FKBP5: variants seen among roughly 807,000 people sequenced by gnomAD.
FKBP5 encodes FKBP prolyl isomerase 5, also known as peptidyl-prolyl cis-trans isomerase FKBP5.
In FKBP5, 23 loss-of-function variants were observed where a neutral mutation model predicts 50.5. The ratio of observed to expected loss-of-function variants is 0.46; its 90% CI spans 0.33 to 0.65. The LOEUF (loss-of-function observed/expected upper bound fraction) is 0.65, where lower values mean the gene tolerates loss of function less well. Among genes scored for constraint, FKBP5 ranks in the 30% least tolerant of loss-of-function variants. The pLI is 0.02. For synonymous variants in FKBP5, 176 were observed against 190.6 expected (o/e 0.92, Z 0.63); for missense variants, 411 against 553.1 (o/e 0.74, Z 2.58).
intron 2 of FKBP5, among the ~76,000 whole-genome samples, chr6:35,695,397 C>T (rs1766066239): frequency 6.6e-6 from 1 of 152,190 alleles, no homozygotes; most frequent in Non-Finnish European, 1.5e-5. Context: ...AACTCCTGAC[C>T]TCAAGTGATC....
chr6:35,586,821 C>T (rs1762614291), intron 8 of FKBP5: 5 of 1,425,886 alleles, frequency 3.5e-6, no homozygotes, highest in Non-Finnish European at 2.7e-6. Flanking sequence ...CAATCTAGAG[C>T]AGAATGTGTA....
In FKBP5 at chr6:35,701,218, TG is replaced by T. The variant is rs1216145567; in HGVS notation, c.-20+19109del. 8.8e-5 allele frequency among the ~76,000 whole-genome samples: 8 copies of T among 91,122 alleles called. No individual in the cohort carries two copies. In the East Asian group the frequency reaches 1.5e-3, roughly 17 times the overall value. The allele number at this position is 91,122 out of a possible 152,430, so 59.8% of individuals were successfully genotyped here. ...AGTGCTGTGTTTTTGTTTGTTTGTT[TG>T]TTTGTTTGTTTTTGTTTTTTGTTTT... On this transcript the variant is annotated intron_variant, in intron 2 of 11. Coordinates refer to the FKBP5 transcript ENST00000536438.
chr6:35,631,533 C>CTAA (rs1764151428), intron 3 of FKBP5, among the ~76,000 whole-genome samples: 2 of 152,164 alleles, frequency 1.3e-5, no homozygotes, highest in South Asian at 2.1e-4. Context: ...ATTCATCAAA[C>CTAA]TATATACTTA....
chr6:35,667,841 T>C (rs1030409071), intron 1 of FKBP5, among the ~76,000 whole-genome samples: 4 of 152,262 alleles, frequency 2.6e-5, no homozygotes, highest in Non-Finnish European at 4.4e-5. Flanking sequence ...GGCGGGCGCC[T>C]GTAATCCCAG....
intron 5 of FKBP5, among the ~76,000 whole-genome samples, chr6:35,602,373 G>A (rs1481076053): frequency 2.0e-5 from 3 of 152,052 alleles, no homozygotes; most frequent in African/African-American, 7.2e-5. Context: ...GTGTCTGATA[G>A]CTTTGCACTC....
At chr6:35,712,300 A>G (rs1262247578) in intron 2 of FKBP5, among the ~76,000 whole-genome samples, 1 of 151,822 alleles carries the variant, frequency 6.6e-6, no homozygotes, top group Non-Finnish European at 1.5e-5. Context: ...ATTAAGGCCA[A>G]CTCCATCATC....
intron 1 of FKBP5, among the ~76,000 whole-genome samples, chr6:35,673,324 C>T (rs1435319383): frequency 1.3e-5 from 2 of 152,140 alleles, no homozygotes; most frequent in African/African-American, 4.8e-5. Context: ...CCAGGGCAGG[C>T]AGATCACTTG....
chr6:35,642,474 C>T (rs1764519542), intron 2 of FKBP5, among the ~76,000 whole-genome samples: 1 of 152,058 alleles, frequency 6.6e-6, no homozygotes, highest in Non-Finnish European at 1.5e-5. Flanking sequence ...ATCCCAGCTA[C>T]TCAGGAAGCT....
At chr6:35,590,392 G>C (rs1475982135) in intron 7 of FKBP5, among the ~76,000 whole-genome samples, 2 of 152,166 alleles carry the variant, frequency 1.3e-5, no homozygotes, top group African/African-American at 2.4e-5. Context: ...CTCCACAAAG[G>C]GTGGGGCTTT....
intron 2 of FKBP5, among the ~76,000 whole-genome samples, chr6:35,702,584 C>CT (rs1208215517): frequency 6.6e-6 from 1 of 151,928 alleles, no homozygotes; most frequent in Non-Finnish European, 1.5e-5. Flanking sequence ...TCCCGAGTAG[C>CT]TGGGACTACA....
chr6:35,661,143 C>G lies in FKBP5; in HGVS notation c.-19-18300G>C, dbSNP rs1212148240. The stretch of plus-strand genomic sequence containing the variant: ...TATACTTTATTTTATTTTTGATTTA[C>G]CTTATTTTATGTATTTATTTATTTA... On this transcript the variant is annotated intron_variant, in intron 1 of 10. Coordinates refer to ENST00000357266, the MANE Select transcript of FKBP5 (RefSeq NM_004117.4). Among the ~76,000 whole-genome samples the G allele has an allele frequency of 3.6e-5, 3 of 82,496 alleles. 1 individual carries two copies. The highest frequency in any genetic ancestry group is 8.3e-5 in the Non-Finnish European group (3 of 36,182). The allele number at this position is 82,496 out of a possible 152,430, so 54.1% of individuals were successfully genotyped here. A position where few individuals can be genotyped will look rare whatever the true frequency, so the allele number is the denominator to read the frequency against.
intron 1 of FKBP5, among the ~76,000 whole-genome samples, chr6:35,655,176 AAAT>A (rs1764914899): frequency 6.6e-6 from 1 of 152,104 alleles, no homozygotes; most frequent in South Asian, 2.1e-4. Flanking sequence ...CAGAAATTTA[AAAT>A]AATAATAATA....
At position 35,677,776 on chromosome 6, in the gene FKBP5, CT is replaced by C. The variant is rs757491549; in HGVS notation, c.-20+11027del. Reference sequence around the variant, plus strand: ...TGTCTGCCTAAAGGCTGACTGAAGCCTTTTTTTTTTTTAATTTAATTTTTAA... The same window carrying C: ...TGTCTGCCTAAAGGCTGACTGAAGCCTTTTTTTTTTTAATTTAATTTTTAA... On this transcript the variant is annotated intron_variant, in intron 1 of 10. Coordinates refer to ENST00000357266, the MANE Select transcript of FKBP5 (RefSeq NM_004117.4). 4.9e-3 allele frequency among the ~76,000 whole-genome samples: 705 copies of C among 143,746 alleles called. 1 individual carries two copies. Among genetic ancestry groups the C allele is most frequent in the East Asian group, 0.019 (97 of 5,022 alleles). 94.3% of individuals were successfully genotyped at this position (143,746 alleles called of 152,430 possible). A position where few individuals can be genotyped will look rare whatever the true frequency, so the allele number is the denominator to read the frequency against.
chr6:35,671,009 A>C (rs1328592877), intron 1 of FKBP5, among the ~76,000 whole-genome samples: 6 of 152,230 alleles, frequency 3.9e-5, no homozygotes, highest in Admixed American at 2.0e-4. Flanking sequence ...CTGTAATCCC[A>C]GCACTTTCTG....
intron 6 of FKBP5, among the ~76,000 whole-genome samples, chr6:35,591,596 T>C (rs1762821727): frequency 6.6e-6 from 1 of 152,264 alleles, no homozygotes; most frequent in South Asian, 2.1e-4. Context: ...CCCTAAGTTT[T>C]ATCAGCAAAA....
At position 35,639,221 on chromosome 6, in the gene FKBP5, A is replaced by G. The variant is rs142135552; in HGVS notation, c.106-2063T>C. Among the ~76,000 whole-genome samples the G allele has an allele frequency of 1.3e-4, 20 of 152,326 alleles. No homozygotes were observed. In the East Asian group the frequency reaches 3.7e-3, roughly 28 times the overall value. On this transcript the variant is annotated intron_variant, in intron 2 of 10. Transcript: ENST00000357266. ...ATGCTAAGTGCTTCACCTAATCCTA[A>G]TAACTCTATGAGGTTGATGGCATTA...
chr6:35,677,142 C>T (rs1358724947), intron 1 of FKBP5, among the ~76,000 whole-genome samples: 8 of 152,060 alleles, frequency 5.3e-5, no homozygotes, highest in Non-Finnish European at 7.4e-5. Flanking sequence ...GGCGCAATCT[C>T]GGCTCACTGC....
At chr6:35,724,460 G>A (rs1474119233) in intron 1 of FKBP5, among the ~76,000 whole-genome samples, 2 of 152,210 alleles carry the variant, frequency 1.3e-5, no homozygotes, top group Non-Finnish European at 2.9e-5. Context: ...AAGGCATGCA[G>A]GAGCTCCAAG....
intron 3 of FKBP5, among the ~76,000 whole-genome samples, chr6:35,630,598 C>A (rs1295417551): frequency 1.3e-5 from 2 of 152,124 alleles, no homozygotes; most frequent in Non-Finnish European, 2.9e-5. Context: ...ATACTGCTAA[C>A]CAGGACCTAC....
Sources: allele counts gnomAD v4.1 joint callset (sites outside exome capture counted in the v4.1 genomes callset), GRCh38; gene constraint gnomAD v4.1.1; transcripts MANE v1.5; gene names NCBI Gene and HGNC (gene_info 2026-07-23, HGNC 2026-07-21).